The following CACNA1D variants were observed in gnomAD, a reference collection of about 807,000 sequenced individuals.
CACNA1D encodes calcium voltage-gated channel subunit alpha1 D, also known as voltage-dependent L-type calcium channel subunit alpha-1D.
A neutral mutation model predicts 257.1 loss-of-function variants in CACNA1D; 55 were observed. The observed-to-expected ratio is 0.21, with a 90% CI of 0.17 to 0.27. The LOEUF is 0.27. Among genes scored for constraint, CACNA1D ranks in the 10% least tolerant of loss-of-function variants. The probability of loss-of-function intolerance (pLI) is 1.00; values close to 1 mark genes in which losing one functional copy is unlikely to be tolerated. For missense variants in CACNA1D, 1,876 were observed against 2,784.0 expected, an observed-to-expected ratio of 0.67 and a Z score of 7.34; for synonymous variants, 980 against 1,014.9, an observed-to-expected ratio of 0.97 and a Z score of 0.65.
chr3:53,501,773 C>G, intron 3 of CACNA1D, 53 bp downstream of exon 3: 1 of 1,028,744 alleles, frequency 9.7e-7, no homozygotes, highest in African/African-American at 1.6e-5. Flanking sequence ...TCATTTGCTT[C>G]TATACTTAAA....
chr3:53,671,838 A>G (rs1451566120), intron 7 of CACNA1D, among the ~76,000 whole-genome samples: 1 of 152,212 alleles, frequency 6.6e-6, no homozygotes, highest in Admixed American at 6.5e-5. Flanking sequence ...GATCATATGC[A>G]GGAAAGCACA....
chr3:53,632,874 C>T (rs982008607), intron 3 of CACNA1D, among the ~76,000 whole-genome samples: 2 of 152,064 alleles, frequency 1.3e-5, no homozygotes, highest in African/African-American at 2.4e-5. Context: ...ATAGTAACAT[C>T]GAGGATAAGT....
intron 3 of CACNA1D, among the ~76,000 whole-genome samples, chr3:53,530,031 T>C (rs555613240): frequency 1.3e-5 from 2 of 152,312 alleles, no homozygotes; most frequent in East Asian, 3.9e-4. Flanking sequence ...GATAAGAATG[T>C]TTTTTTAATC....
At chr3:53,676,459 G>C (rs1283142346) in intron 8 of CACNA1D, among the ~76,000 whole-genome samples, 2 of 152,208 alleles carry the variant, frequency 1.3e-5, no homozygotes, top group Admixed American at 6.5e-5. Flanking sequence ...AATGTTGAGA[G>C]GAAGACAATT....
chr3:53,728,623 C>T (rs1441293846), intron 15 of CACNA1D, among the ~76,000 whole-genome samples: 1 of 152,218 alleles, frequency 6.6e-6, no homozygotes, highest in Non-Finnish European at 1.5e-5. Flanking sequence ...ACTCTTTAGG[C>T]CACAGCAACA....
At chr3:53,709,650 T>G (rs2108630602) in intron 9 of CACNA1D, among the ~76,000 whole-genome samples, 1 of 152,290 alleles carries the variant, frequency 6.6e-6, no homozygotes, top group East Asian at 1.9e-4. Context: ...GGGTCCGTAC[T>G]CTAAAGACTA....
chr3:53,526,030 A>G (rs576679646), intron 3 of CACNA1D, among the ~76,000 whole-genome samples: 1 of 152,326 alleles, frequency 6.6e-6, no homozygotes, highest in East Asian at 1.9e-4. Context: ...ATGGCTGCCA[A>G]CAGTTTCTAG....
chr3:53,606,071 G>T (rs982073885), intron 3 of CACNA1D, among the ~76,000 whole-genome samples: 2 of 152,204 alleles, frequency 1.3e-5, no homozygotes, highest in Non-Finnish European at 2.9e-5. Flanking sequence ...GGCTGGTGTG[G>T]GAATTGAAGA....
intron 11 of CACNA1D, among the ~76,000 whole-genome samples, 183 bp from the exon 12 acceptor site, chr3:53,722,131 A>G (rs1407682588): frequency 6.6e-6 from 1 of 152,214 alleles, no homozygotes; most frequent in East Asian, 1.9e-4. Flanking sequence ...GCATTTTAAG[A>G]CCAACATAAT....
At chr3:53,516,062 C>T (rs1237446016) in intron 3 of CACNA1D, among the ~76,000 whole-genome samples, 1 of 152,200 alleles carries the variant, frequency 6.6e-6, no homozygotes, top group African/African-American at 2.4e-5. Context: ...GGTCTGGCTT[C>T]CTCATCTGTA....
chr3:53,730,365 G>T, intron 15 of CACNA1D, 77 bp from the exon 16 acceptor site: 1 of 922,794 alleles, frequency 1.1e-6, no homozygotes, highest in Non-Finnish European at 1.8e-6. Flanking sequence ...GGGATGCAGA[G>T]GTGTGTGGCG....
intron 3 of CACNA1D, among the ~76,000 whole-genome samples, chr3:53,551,270 T>G (rs1468339194): frequency 2.0e-5 from 3 of 152,160 alleles, no homozygotes; most frequent in African/African-American, 7.2e-5. Context: ...CGGTCACACA[T>G]GACTTTCCCA....
chr3:53,540,712 G>A (rs538614925), intron 3 of CACNA1D, among the ~76,000 whole-genome samples: 22 of 151,948 alleles, frequency 1.4e-4, no homozygotes, highest in African/African-American at 4.6e-4. Flanking sequence ...TATGCCAGTC[G>A]GCTTCATTCT....
intron 46 of CACNA1D, chr3:53,809,011 C>T: frequency 1.8e-6 from 1 of 546,812 alleles, no homozygotes; most frequent in Non-Finnish European, 3.3e-6. Flanking sequence ...CAAAGCTGGC[C>T]TCACTGCCCA....
At chr3:53,688,931 C>T (rs1237112509) in intron 8 of CACNA1D, among the ~76,000 whole-genome samples, 1 of 152,096 alleles carries the variant, frequency 6.6e-6, no homozygotes, top group Non-Finnish European at 1.5e-5. Context: ...CCCCAGAGGC[C>T]CACCTGTCCT....
At chr3:53,513,269 G>A (rs886502590) in intron 3 of CACNA1D, among the ~76,000 whole-genome samples, 9 of 152,078 alleles carry the variant, frequency 5.9e-5, no homozygotes, top group African/African-American at 2.2e-4. Context: ...AGATTATAAT[G>A]GAGCTAAAAA....
At chr3:53,668,671 A>G (rs776122053) in intron 7 of CACNA1D, among the ~76,000 whole-genome samples, 5 of 152,208 alleles carry the variant, frequency 3.3e-5, no homozygotes, top group Non-Finnish European at 7.3e-5. Context: ...ACAGTGGTCT[A>G]TAAACCTTTT....
At chr3:53,519,975 T>C (rs368973801) in intron 3 of CACNA1D, among the ~76,000 whole-genome samples, 1 of 152,256 alleles carries the variant, frequency 6.6e-6, no homozygotes, top group East Asian at 1.9e-4. Flanking sequence ...TGTGTATCAC[T>C]ACTTCATTCC....
intron 4 of CACNA1D, among the ~76,000 whole-genome samples, chr3:53,658,585 T>G (rs1180065627): frequency 1.3e-5 from 2 of 152,254 alleles, no homozygotes; most frequent in East Asian, 3.8e-4. Context: ...GCTAACCCTT[T>G]GGGGTGAAAA....
Sources: allele counts gnomAD v4.1 joint callset (sites outside exome capture counted in the v4.1 genomes callset), GRCh38; gene constraint gnomAD v4.1.1; transcripts MANE v1.5; gene names NCBI Gene and HGNC (gene_info 2026-07-23, HGNC 2026-07-21).